Variants in NMNAT2 observed in about 807,000 individuals in gnomAD.
NMNAT2 encodes nicotinamide nucleotide adenylyltransferase 2.
NMNAT2 carries 11 observed loss-of-function variants against 41.6 expected under a neutral mutation model. That is an observed-to-expected ratio of 0.26 (90% confidence interval 0.17 to 0.44). The LOEUF (loss-of-function observed/expected upper bound fraction) is 0.44, where lower values mean the gene tolerates loss of function less well. NMNAT2 is among the 20% of genes least tolerant of loss of function. NMNAT2 has a pLI of 1.00. For synonymous variants in NMNAT2, 148 were observed against 151.2 expected (o/e 0.98, Z 0.16); for missense variants, 288 against 407.7 (o/e 0.71, Z 2.53).
At chr1:183,408,825 AT>A (rs35012166) in intron 1 of NMNAT2, among the ~76,000 whole-genome samples, 5,238 of 152,284 alleles carry the variant, frequency 0.034, 222 homozygotes, top group African/African-American at 0.11. Context: ...TATGTACAAT[AT>A]TTATTGTCTT....
intron 1 of NMNAT2, among the ~76,000 whole-genome samples, chr1:183,330,956 TG>T (rs1662569492): frequency 6.6e-6 from 1 of 152,150 alleles, no homozygotes; most frequent in Admixed American, 6.5e-5. Context: ...CTCTCAGACA[TG>T]TTGAAGGAGC....
intron 8 of NMNAT2, among the ~76,000 whole-genome samples, chr1:183,267,929 TCA>T (rs1451596945): frequency 3.3e-5 from 5 of 152,262 alleles, no homozygotes; most frequent in African/African-American, 9.6e-5. Flanking sequence ...ACAGTGGCCC[TCA>T]GTTTAGCACT....
At chr1:183,417,101 C>G (rs1649276306) in intron 1 of NMNAT2, among the ~76,000 whole-genome samples, 1 of 152,212 alleles carries the variant, frequency 6.6e-6, no homozygotes, top group African/African-American at 2.4e-5. Context: ...AAAGTGACCT[C>G]CGCGTCCCTC....
At chr1:183,255,781 G>A (rs1219714980) in intron 10 of NMNAT2, among the ~76,000 whole-genome samples, 4 of 150,616 alleles carry the variant, frequency 2.7e-5, no homozygotes, top group East Asian at 2.0e-4. Context: ...CTCCTACCTC[G>A]GCCTCCCGAG....
chr1:183,342,763 T>C (rs1662845571), intron 1 of NMNAT2, among the ~76,000 whole-genome samples: 1 of 152,108 alleles, frequency 6.6e-6, no homozygotes. Flanking sequence ...AGACAGGGTC[T>C]TGCTCTGTCA....
chr1:183,379,642 A>G (rs749192383), intron 1 of NMNAT2, among the ~76,000 whole-genome samples: 27 of 152,194 alleles, frequency 1.8e-4, no homozygotes, highest in Non-Finnish European at 3.4e-4. Flanking sequence ...AAAAAGAGAC[A>G]TATAAAAACA....
In NMNAT2 at chr1:183,346,184, C is replaced by T. The variant is rs567821082; in HGVS notation, c.86-52391G>A. Among the ~76,000 whole-genome samples the T allele has an allele frequency of 3.3e-5, 5 of 152,258 alleles. No homozygotes were observed. The South Asian group carries it at 1.0e-3, about 32-fold the overall frequency. On this transcript the variant is annotated intron_variant, in intron 1 of 10. Transcript: ENST00000287713. ...TATTAGTAGTCCATCTCTGTGATGG[C>T]CTCCAGGGTTCTTTCTCTCAGTTCC...
intron 4 of NMNAT2, 23 bp downstream of exon 4, chr1:183,290,105 T>G: frequency 6.4e-7 from 1 of 1,554,316 alleles, no homozygotes; most frequent in Non-Finnish European, 8.7e-7. Flanking sequence ...GGTTCACGCA[T>G]CCCCAGGCTT....
At chr1:183,315,598 A>G (rs1239299215) in intron 1 of NMNAT2, among the ~76,000 whole-genome samples, 3 of 152,060 alleles carry the variant, frequency 2.0e-5, no homozygotes, top group Non-Finnish European at 4.4e-5. Context: ...CCTGGCCAAG[A>G]TGGTAAAACC....
intron 4 of NMNAT2, among the ~76,000 whole-genome samples, chr1:183,288,345 G>A (rs914271256): frequency 2.0e-5 from 3 of 152,148 alleles, no homozygotes; most frequent in African/African-American, 7.2e-5. Flanking sequence ...CTCCATGCAG[G>A]GAACACCTGC....
chr1:183,369,479 A>T (rs932035088), intron 1 of NMNAT2, among the ~76,000 whole-genome samples: 2 of 151,820 alleles, frequency 1.3e-5, no homozygotes, highest in Admixed American at 1.3e-4. Flanking sequence ...GGGTTTCACC[A>T]TGTTAGCCAG....
chr1:183,272,334 C>T (rs1464126569), intron 8 of NMNAT2, among the ~76,000 whole-genome samples: 1 of 152,194 alleles, frequency 6.6e-6, no homozygotes, highest in African/African-American at 2.4e-5. Context: ...CTCGGGAATG[C>T]AGTGGGGTGG....
intron 1 of NMNAT2, among the ~76,000 whole-genome samples, chr1:183,374,003 G>T (rs545683056): frequency 7.9e-5 from 12 of 152,276 alleles, no homozygotes; most frequent in African/African-American, 2.4e-4. Context: ...AATACATTTT[G>T]TATATTATTT....
rs752792851 is a variant in NMNAT2 at position 183,293,714 on chromosome 1, A to G, written c.165T>C (p.Tyr55=). The G allele has an allele frequency of 1.2e-6, 2 of 1,613,202 alleles. No individual in the cohort carries two copies. Among genetic ancestry groups the G allele is most frequent in the African/African-American group, 2.7e-5 (2 of 74,918 alleles). The change falls in exon 2 of 11, where the codon TAT becomes TAC. Residue 55 remains tyrosine (Y), a synonymous_variant. Coordinates refer to ENST00000287713, the MANE Select transcript of NMNAT2 (RefSeq NM_015039.4). ...ACAGGAAGGAACCCACCTGTTTTCC[A>G]TAGGAGTCGTGGACAGGGGAGACAA... ...GGIVSPVHDS[Y]GKQGLVSSRH... is the part of the protein sequence containing the mutation.
At chr1:183,399,121 G>A (rs985004725) in intron 1 of NMNAT2, among the ~76,000 whole-genome samples, 31 of 152,048 alleles carry the variant, frequency 2.0e-4, no homozygotes, top group African/African-American at 3.1e-4. Flanking sequence ...ATGAATCCAG[G>A]AGCTGGTTTT....
chr1:183,359,375 C>G (rs1276330638), intron 1 of NMNAT2, among the ~76,000 whole-genome samples: 2 of 152,142 alleles, frequency 1.3e-5, no homozygotes, highest in Non-Finnish European at 2.9e-5. Flanking sequence ...CCCCACTGCC[C>G]ACCCAAGAGA....
At chr1:183,297,993 A>T (rs538446516) in intron 1 of NMNAT2, among the ~76,000 whole-genome samples, 1 of 152,354 alleles carries the variant, frequency 6.6e-6, no homozygotes, top group Non-Finnish European at 1.5e-5. Context: ...GCGTTTGACA[A>T]AATTCAACAT....
chr1:183,281,688 G>T (rs1661274222), intron 7 of NMNAT2, among the ~76,000 whole-genome samples: 1 of 152,198 alleles, frequency 6.6e-6, no homozygotes, highest in Admixed American at 6.5e-5. Flanking sequence ...TTTGTCCTAT[G>T]AGGCTAAGGC....
intron 1 of NMNAT2, among the ~76,000 whole-genome samples, chr1:183,380,543 C>G (rs1663782722): frequency 6.6e-6 from 1 of 152,060 alleles, no homozygotes. Flanking sequence ...TAAGCATTAT[C>G]ATAGAGACAC....
Sources: allele counts gnomAD v4.1 joint callset (sites outside exome capture counted in the v4.1 genomes callset), GRCh38; gene constraint gnomAD v4.1.1; transcripts MANE v1.5; gene names NCBI Gene and HGNC (gene_info 2026-07-23, HGNC 2026-07-21).